Variants in TANC1 observed in about 807,000 individuals in gnomAD.
TANC1 encodes tetratricopeptide repeat, ankyrin repeat and coiled-coil containing 1, also known as protein TANC1.
TANC1 carries 77 observed loss-of-function variants against 149.7 expected under a neutral mutation model. The ratio of observed to expected loss-of-function variants is 0.51; its 90% CI spans 0.43 to 0.62. The LOEUF is 0.62. Ranked by LOEUF, TANC1 falls within the 20% of genes least tolerant of loss-of-function variation. TANC1 has a pLI of 0.00. For synonymous variants in TANC1, 854 were observed against 925.0 expected (o/e 0.92, Z 1.39); for missense variants, 1,985 against 2,321.8 (o/e 0.85, Z 2.98).
At chr2:159,101,086 C>T (rs2046644320) in intron 4 of TANC1, among the ~76,000 whole-genome samples, 1 of 152,182 alleles carries the variant, frequency 6.6e-6, no homozygotes, top group South Asian at 2.1e-4. Flanking sequence ...GACATGTGCT[C>T]CGAAACTACC....
intron 1 of TANC1, among the ~76,000 whole-genome samples, chr2:158,981,544 A>T (rs752564361): frequency 0.028 from 2,371 of 84,170 alleles, 53 homozygotes; most frequent in Non-Finnish European, 0.037. Context: ...TATATATATA[A>T]AGAAGTAACA....
At chr2:158,971,544 A>G (rs187020858) in intron 1 of TANC1, among the ~76,000 whole-genome samples, 273 of 152,296 alleles carry the variant, frequency 1.8e-3, no homozygotes, top group African/African-American at 6.2e-3. Flanking sequence ...TTAAATGCAT[A>G]TTTCAGTGGT....
intron 4 of TANC1, among the ~76,000 whole-genome samples, chr2:159,115,311 A>G (rs2048134716): frequency 6.6e-6 from 1 of 152,184 alleles, no homozygotes; most frequent in South Asian, 2.1e-4. Context: ...TTTGGTTTCT[A>G]GGACGGTAAC....
chr2:159,171,580 T>C (rs2055212780), intron 10 of TANC1, among the ~76,000 whole-genome samples: 1 of 152,186 alleles, frequency 6.6e-6, no homozygotes, highest in Non-Finnish European at 1.5e-5. Context: ...GCTGGGATTG[T>C]GCCACTGCCC....
intron 4 of TANC1, among the ~76,000 whole-genome samples, chr2:159,110,614 C>T (rs2047631712): frequency 5.3e-5 from 8 of 152,224 alleles, no homozygotes; most frequent in Admixed American, 5.2e-4. Context: ...GGCACCCAGC[C>T]TTCTGTGGTA....
At chr2:159,085,078 C>G (rs1048301744) in intron 3 of TANC1, among the ~76,000 whole-genome samples, 3 of 152,178 alleles carry the variant, frequency 2.0e-5, no homozygotes, top group Non-Finnish European at 4.4e-5. Flanking sequence ...ACCAAAACCT[C>G]ATGAATGGCT....
intron 2 of TANC1, among the ~76,000 whole-genome samples, chr2:159,033,971 C>T (rs767769900): frequency 6.6e-5 from 10 of 152,104 alleles, no homozygotes; most frequent in Non-Finnish European, 1.2e-4. Context: ...AAACAAAAAC[C>T]CTATCAGGAC....
At chr2:159,067,504 C>G (rs1187233682) in intron 3 of TANC1, among the ~76,000 whole-genome samples, 1 of 152,186 alleles carries the variant, frequency 6.6e-6, no homozygotes, top group Non-Finnish European at 1.5e-5. Context: ...AATTTCCATC[C>G]AGGGGGACAT....
chr2:158,983,477 A>AAAAAAAAAAAAAAAC (rs1559098764), intron 1 of TANC1, among the ~76,000 whole-genome samples: 1 of 151,090 alleles, frequency 6.6e-6, no homozygotes, highest in Admixed American at 6.6e-5. Flanking sequence ...CCAAAAAAAA[A>AAAAAAAAAAAAAAAC]AAAAAAAAAA....
intron 19 of TANC1, among the ~76,000 whole-genome samples, chr2:159,211,430 A>G (rs2058975344): frequency 6.6e-6 from 1 of 152,212 alleles, no homozygotes; most frequent in Non-Finnish European, 1.5e-5. Context: ...AAGGCAAGGT[A>G]CTGCCCATAG....
chr2:159,146,537 T>A (rs1273753512), intron 5 of TANC1, among the ~76,000 whole-genome samples: 1 of 930 alleles, frequency 1.1e-3, no homozygotes, highest in African/African-American at 1.6e-3. Flanking sequence ...TCCCTTTTCC[T>A]TTTTTTTTTT....
At chr2:159,045,098 C>A (rs2040938043) in intron 2 of TANC1, among the ~76,000 whole-genome samples, 1 of 152,206 alleles carries the variant, frequency 6.6e-6, no homozygotes, top group Admixed American at 6.5e-5. Context: ...GAGGAGGAGT[C>A]CCTGCTGTGT....
intron 19 of TANC1, among the ~76,000 whole-genome samples, chr2:159,206,416 G>T (rs566878352): frequency 5.3e-5 from 8 of 152,172 alleles, no homozygotes; most frequent in Non-Finnish European, 8.8e-5. Flanking sequence ...TCCTCTCTGC[G>T]AAGAAGGCAG....
Position 159,169,947 on chromosome 2 carries a change from C to T in TANC1, c.1069+575C>T, listed in dbSNP as rs571915473. Among the ~76,000 whole-genome samples, 4 of 150,884 alleles carry T rather than the reference C, an allele frequency of 2.7e-5. No individual in the cohort carries two copies. The South Asian group carries it at 6.3e-4, about 24-fold the overall frequency. ...GGCGGAGGTTGCAGTGAGCTGAGAT[C>T]GTGCCATTGCACTCCAGCCTGGGCA... is the stretch of plus-strand genomic sequence containing the variant. On this transcript the variant is annotated intron_variant, in intron 9 of 26. Coordinates refer to ENST00000263635, the MANE Select transcript of TANC1 (RefSeq NM_033394.3).
chr2:158,983,385 T>G (rs1206414326), intron 1 of TANC1, among the ~76,000 whole-genome samples: 10 of 144,508 alleles, frequency 6.9e-5, no homozygotes, highest in South Asian at 2.1e-4. Context: ...GAGAATAGCG[T>G]GAACCCGGGA....
At chr2:159,062,978 A>C (rs2042363561) in intron 2 of TANC1, among the ~76,000 whole-genome samples, 1 of 144,200 alleles carries the variant, frequency 6.9e-6, no homozygotes, top group Admixed American at 6.9e-5. Flanking sequence ...CGTCTCAAAA[A>C]AAAAAAAAAA....
intron 4 of TANC1, among the ~76,000 whole-genome samples, chr2:159,114,585 C>A (rs766663531): frequency 2.0e-5 from 3 of 152,114 alleles, no homozygotes; most frequent in Non-Finnish European, 4.4e-5. Flanking sequence ...ACATGTTTCC[C>A]CGAAATGAGC....
At chr2:159,145,409 A>G (rs902324657) in intron 5 of TANC1, among the ~76,000 whole-genome samples, 1 of 152,200 alleles carries the variant, frequency 6.6e-6, no homozygotes, top group Non-Finnish European at 1.5e-5. Context: ...TCTCACACAC[A>G]TTGGTTTTGA....
intron 4 of TANC1, among the ~76,000 whole-genome samples, chr2:159,126,406 T>G (rs2049460752): frequency 6.6e-6 from 1 of 152,212 alleles, no homozygotes; most frequent in Non-Finnish European, 1.5e-5. Flanking sequence ...GATTTTTATA[T>G]TTGGGTCACA....
Sources: allele counts gnomAD v4.1 joint callset (sites outside exome capture counted in the v4.1 genomes callset), GRCh38; gene constraint gnomAD v4.1.1; transcripts MANE v1.5; gene names NCBI Gene and HGNC (gene_info 2026-07-23, HGNC 2026-07-21).